The following PAICS variants were observed in gnomAD, a reference collection of about 807,000 sequenced individuals.
PAICS encodes the protein bifunctional phosphoribosylaminoimidazole carboxylase/phosphoribosylaminoimidazole succinocarboxamide synthetase.
PAICS carries 33 observed loss-of-function variants against 53.7 expected under a neutral mutation model. That is an observed-to-expected ratio of 0.61 (90% CI 0.47 to 0.82). The LOEUF (loss-of-function observed/expected upper bound fraction) is 0.82, where lower values mean the gene tolerates loss of function less well. Ranked by LOEUF, PAICS falls within the 40% of genes least tolerant of loss-of-function variation. The pLI, the probability that PAICS is intolerant of heterozygous loss-of-function variation, is 0.00. For missense variants in PAICS, 394 were observed against 494.1 expected (o/e 0.80, Z 1.92); for synonymous variants, 141 against 167.2 (o/e 0.84, Z 1.21).
upstream of PAICS, chr4:56,435,559 G>C: frequency 6.2e-7 from 1 of 1,601,018 alleles, no homozygotes. Context: ...GGCCCGTCGA[G>C]CTCAGAAGCT....
At chr4:56,452,677 C>T (rs1006333414) in intron 7 of PAICS, among the ~76,000 whole-genome samples, 1 of 152,298 alleles carries the variant, frequency 6.6e-6, no homozygotes. Flanking sequence ...TAGGCCCCCA[C>T]AGTTACAGGA....
At chr4:56,419,755 T>C in the PAICS span, 22 of 984,510 alleles carry the variant, frequency 2.2e-5, no homozygotes, top group Admixed American at 3.1e-4. Flanking sequence ...CAACGACAAC[T>C]AGAGGGAACA....
the PAICS span, chr4:56,421,731 C>T: frequency 6.6e-6 from 1 of 152,222 alleles, no homozygotes; most frequent in African/African-American, 2.4e-5. Flanking sequence ...GAGAACTATA[C>T]ATCTCCCCCA....
chr4:56,412,782 A>AG, the PAICS span, among the ~76,000 whole-genome samples: 2 of 152,174 alleles, frequency 1.3e-5, no homozygotes. Context: ...ATCATGTCTC[A>AG]TATGGAATAT....
intron 2 of PAICS, among the ~76,000 whole-genome samples, chr4:56,443,348 C>T (rs750883834): frequency 2.6e-4 from 40 of 152,004 alleles, no homozygotes; most frequent in Non-Finnish European, 2.6e-4. Context: ...CCACCATACC[C>T]GGCTAATTTT....
At chr4:56,410,883 C>T in the PAICS span, 1 of 940,304 alleles carries the variant, frequency 1.1e-6, no homozygotes, top group Non-Finnish European at 1.2e-6. Flanking sequence ...AGTACAGCCC[C>T]AGAGACCACT....
At chr4:56,437,641 T>C (rs891838706) in intron 1 of PAICS, among the ~76,000 whole-genome samples, 1 of 151,440 alleles carries the variant, frequency 6.6e-6, no homozygotes, top group African/African-American at 2.4e-5. Flanking sequence ...ACCAACATGG[T>C]GAAACCCCGG....
intron 8 of PAICS, among the ~76,000 whole-genome samples, chr4:56,457,002 TCAAA>T (rs1309754469): frequency 2.0e-5 from 3 of 152,148 alleles, no homozygotes; most frequent in Non-Finnish European, 4.4e-5. Context: ...GGATTGTTCT[TCAAA>T]CAACCCCTCA....
At position 56,461,544 on chromosome 4, in the gene PAICS, G is replaced by C. The variant is rs76039912; in HGVS notation, c.*2006G>C. 2.0e-5 allele frequency: 3 copies of C among 149,852 alleles called. No individual in the cohort carries two copies. Among genetic ancestry groups the C allele is most frequent in the African/African-American group, 7.4e-5 (3 of 40,586 alleles). The allele number at this position is 149,852 out of a possible 1,614,324, so 9.3% of individuals were successfully genotyped here. ...AATTTTTTTTCCTTTTTTTTTTTAA[G>C]AGCCAAGTTCTCACTGTCTCCCAGG... On this transcript the variant is annotated 3_prime_UTR_variant, in exon 9 of 9. Transcript: ENST00000512576.
At chr4:56,411,584 A>C in the PAICS span, among the ~76,000 whole-genome samples, 5 of 152,196 alleles carry the variant, frequency 3.3e-5, no homozygotes, top group African/African-American at 4.8e-5. Flanking sequence ...TAGTAGGCAA[A>C]GGGAGGGAAA....
chr4:56,433,056 TTATC>T (rs1717685977), upstream of PAICS, among the ~76,000 whole-genome samples: 1 of 151,308 alleles, frequency 6.6e-6, no homozygotes, highest in Admixed American at 6.6e-5. Context: ...ATTCTGGCCC[TTATC>T]TATCAGTTTC....
rs1340094290 is a variant in PAICS at position 56,453,608 on chromosome 4, G to T, written c.958G>T (p.Gly320Cys). Residue 320 changes from glycine to cysteine, a missense_variant, in exon 8 of 9, where the codon GGC becomes TGC. Transcript: ENST00000512576. ...TACTCTTGTCATTTCCCTAGGGGAT[G>T]GCATTCCTACTGTATTTGTGGCAGT... ...LRIKAEYEGD[G>C]IPTVFVAVAG... 2.5e-6 allele frequency: 4 copies of T among 1,589,360 alleles called. No individual in the cohort carries two copies. The highest frequency in any genetic ancestry group is 2.6e-6 in the Non-Finnish European group (3 of 1,165,248).
the PAICS span, among the ~76,000 whole-genome samples, chr4:56,411,088 A>C: frequency 6.6e-6 from 1 of 152,130 alleles, no homozygotes; most frequent in South Asian, 2.1e-4. Context: ...TTTTTTAAAA[A>C]GAGGTTAAAT....
chr4:56,455,352 A>C (rs1336011035), intron 8 of PAICS, among the ~76,000 whole-genome samples: 3 of 152,186 alleles, frequency 2.0e-5, no homozygotes, highest in Non-Finnish European at 2.9e-5. Flanking sequence ...ATATCTGTAT[A>C]TATCCAGTCT....
chr4:56,432,293 C>T (rs1266913328), upstream of PAICS, among the ~76,000 whole-genome samples: 2 of 151,942 alleles, frequency 1.3e-5, no homozygotes, highest in African/African-American at 4.8e-5. Flanking sequence ...TTTGGGAGAC[C>T]GAAGAGGGTG....
chr4:56,432,757 C>A (rs1159125667), upstream of PAICS, among the ~76,000 whole-genome samples: 1 of 149,102 alleles, frequency 6.7e-6, no homozygotes, highest in Non-Finnish European at 1.5e-5. Context: ...TGAACTCCAC[C>A]CCAGCCTGGG....
intron 2 of PAICS, among the ~76,000 whole-genome samples, chr4:56,445,686 A>T (rs1278470844): frequency 3.3e-5 from 5 of 152,208 alleles, no homozygotes; most frequent in Admixed American, 3.3e-4. Flanking sequence ...CATAAATAGA[A>T]GCTCCCTTCA....
At chr4:56,410,922 A>T in the PAICS span, 3 of 852,382 alleles carry the variant, frequency 3.5e-6, no homozygotes, top group Non-Finnish European at 4.2e-6. Flanking sequence ...AAAAAAAAAA[A>T]AAAAAAGAAA....
chr4:56,453,805 T>C (rs1719048857), intron 8 of PAICS, 44 bp downstream of exon 8: 1 of 1,370,596 alleles, frequency 7.3e-7, no homozygotes, highest in Non-Finnish European at 1.0e-6. Flanking sequence ...TACAAGCATT[T>C]AACAGATGCA....
Sources: allele counts gnomAD v4.1 joint callset (sites outside exome capture counted in the v4.1 genomes callset), GRCh38; gene constraint gnomAD v4.1.1; transcripts MANE v1.5; gene names NCBI Gene and HGNC (gene_info 2026-07-23, HGNC 2026-07-21).